Variants in CTNNA3 observed in about 807,000 individuals in gnomAD.
CTNNA3 encodes catenin alpha 3, also known as catenin alpha-3.
A neutral mutation model predicts 95.7 loss-of-function variants in CTNNA3; 76 were observed. The observed-to-expected ratio is 0.79, with a 90% CI of 0.66 to 0.96. CTNNA3 has a LOEUF of 0.96. Among genes scored for constraint, CTNNA3 ranks in the 40% least tolerant of loss-of-function variants. The pLI is 0.00. For synonymous variants in CTNNA3, 431 were observed against 374.4 expected, an observed-to-expected ratio of 1.15 and a Z score of -1.74; for missense variants, 1,191 against 1,089.8, an observed-to-expected ratio of 1.09 and a Z score of -1.31.
intron 5 of CTNNA3, among the ~76,000 whole-genome samples, chr10:67,368,847 T>C (rs1021946643): frequency 3.3e-5 from 5 of 152,072 alleles, no homozygotes; most frequent in Admixed American, 3.3e-4. Flanking sequence ...TGGTTACCTG[T>C]GGAGAGGAGG....
intron 7 of CTNNA3, among the ~76,000 whole-genome samples, chr10:66,983,555 T>C (rs1033055410): frequency 1.3e-5 from 2 of 151,864 alleles, no homozygotes; most frequent in Non-Finnish European, 2.9e-5. Context: ...CATGGTAACA[T>C]CTAAACTGGA....
chr10:66,890,675 G>T (rs1845233896), intron 7 of CTNNA3, among the ~76,000 whole-genome samples: 1 of 152,128 alleles, frequency 6.6e-6, no homozygotes, highest in African/African-American at 2.4e-5. Context: ...ACATCAAAAA[G>T]GTTAGTATAG....
intron 12 of CTNNA3, among the ~76,000 whole-genome samples, chr10:66,367,884 ATTATTATTATTATT>A (rs1269772176): frequency 0.29 from 5,707 of 19,978 alleles, 154 homozygotes; most frequent in Middle Eastern, 0.4. Flanking sequence ...AATAATAATT[ATTATTATTATTATT>A]ATTATTATTA....
chr10:66,849,210 G>A (rs1843389358), intron 7 of CTNNA3, among the ~76,000 whole-genome samples: 1 of 152,140 alleles, frequency 6.6e-6, no homozygotes, highest in South Asian at 2.1e-4. Context: ...TGCTTTGGTG[G>A]AGTCTAGTTG....
At chr10:67,649,378 C>A (rs1839813594) in intron 1 of CTNNA3, among the ~76,000 whole-genome samples, 1 of 152,136 alleles carries the variant, frequency 6.6e-6, no homozygotes, top group South Asian at 2.1e-4. Context: ...ATATGTAAAT[C>A]CTTCTAGAAG....
At chr10:66,526,909 C>G (rs541235135) in intron 10 of CTNNA3, among the ~76,000 whole-genome samples, 4 of 152,242 alleles carry the variant, frequency 2.6e-5, no homozygotes, top group Non-Finnish European at 5.9e-5. Flanking sequence ...CCCTCTCTTG[C>G]TAATGTCCTC....
intron 17 of CTNNA3, among the ~76,000 whole-genome samples, chr10:65,920,936 CA>C (rs1412096107): frequency 6.6e-5 from 10 of 152,188 alleles, no homozygotes; most frequent in African/African-American, 2.4e-4. Flanking sequence ...AGTTCTGCCT[CA>C]TTTTTTTGTA....
chr10:66,388,656 CATATG>C (rs1253935821), intron 11 of CTNNA3, among the ~76,000 whole-genome samples: 1 of 150,854 alleles, frequency 6.6e-6, no homozygotes, highest in Non-Finnish European at 1.5e-5. Context: ...CTTATATAAA[CATATG>C]ATATGAAAAA....
At chr10:66,448,159 TTAA>T in intron 11 of CTNNA3, among the ~76,000 whole-genome samples, 1 of 152,022 alleles carries the variant, frequency 6.6e-6, no homozygotes, top group Non-Finnish European at 1.5e-5. Flanking sequence ...ATGGCAATCA[TTAA>T]AAAGTCAGGA....
chr10:66,632,702 T>C (rs1480980160), intron 9 of CTNNA3, among the ~76,000 whole-genome samples: 1 of 151,942 alleles, frequency 6.6e-6, no homozygotes, highest in Non-Finnish European at 1.5e-5. Flanking sequence ...AAAAGTGCAA[T>C]TATGTAAAAA....
chr10:65,982,759 C>T (rs2078348331), intron 16 of CTNNA3, among the ~76,000 whole-genome samples: 1 of 146,470 alleles, frequency 6.8e-6, no homozygotes, highest in African/African-American at 2.5e-5. Flanking sequence ...CCCCAAAAAC[C>T]TCTTGAAAAA....
chr10:66,596,283 C>T (rs1472094878), intron 10 of CTNNA3, among the ~76,000 whole-genome samples: 1 of 152,078 alleles, frequency 6.6e-6, no homozygotes, highest in African/African-American at 2.4e-5. Flanking sequence ...ACTCCCCCAG[C>T]TAACTGATAT....
At chr10:66,411,943 T>G (rs2093108720) in intron 11 of CTNNA3, among the ~76,000 whole-genome samples, 1 of 152,056 alleles carries the variant, frequency 6.6e-6, no homozygotes, top group Non-Finnish European at 1.5e-5. Flanking sequence ...CTGTAAGGAT[T>G]CTACCAAATT....
At chr10:66,030,035 C>G (rs906889335) in intron 15 of CTNNA3, among the ~76,000 whole-genome samples, 10 of 151,976 alleles carry the variant, frequency 6.6e-5, no homozygotes, top group Admixed American at 6.6e-4. Context: ...AAGATCTCTA[C>G]AAGAACTATA....
intron 7 of CTNNA3, among the ~76,000 whole-genome samples, chr10:66,843,909 T>C (rs1365465653): frequency 1.3e-5 from 2 of 152,242 alleles, no homozygotes; most frequent in East Asian, 1.9e-4. Context: ...TAACGGAAGA[T>C]GAAGAGTAAC....
chr10:67,067,945 G>C (rs1030331905), intron 7 of CTNNA3, among the ~76,000 whole-genome samples: 1 of 152,184 alleles, frequency 6.6e-6, no homozygotes, highest in African/African-American at 2.4e-5. Flanking sequence ...GTTGGGTAAA[G>C]GTTTGTCCTG....
intron 5 of CTNNA3, among the ~76,000 whole-genome samples, chr10:67,241,436 C>T (rs1379302177): frequency 6.6e-6 from 1 of 151,808 alleles, no homozygotes; most frequent in African/African-American, 2.4e-5. Flanking sequence ...AAAAAAAATC[C>T]ATAGGTCAGA....
intron 3 of CTNNA3, among the ~76,000 whole-genome samples, chr10:67,559,608 T>A (rs1841408188): frequency 6.6e-6 from 1 of 151,888 alleles, no homozygotes; most frequent in Non-Finnish European, 1.5e-5. Flanking sequence ...GGAACACAGC[T>A]CCTCACCAGC....
chr10:66,371,968 C>T (rs1378917058), intron 12 of CTNNA3, among the ~76,000 whole-genome samples: 2 of 152,080 alleles, frequency 1.3e-5, no homozygotes, highest in Non-Finnish European at 1.5e-5. Context: ...ATAAATGTAC[C>T]AGCTGTGTGG....
Sources: gnomAD v4.1 joint callset for allele counts (sites outside exome capture counted in the v4.1 genomes callset) on GRCh38, gnomAD v4.1.1 for gene constraint, MANE v1.5 for transcripts, NCBI Gene and HGNC (gene_info 2026-07-23, HGNC 2026-07-21) for gene names.